Variants in NTNG1 observed in about 807,000 individuals in gnomAD.
NTNG1 encodes netrin G1.
Under a neutral mutation model 54.0 loss-of-function variants are expected in NTNG1, and 16 were observed. The observed-to-expected ratio is 0.30, with a 90% CI of 0.20 to 0.45. NTNG1 has a LOEUF of 0.45. NTNG1 is among the 20% of genes least tolerant of loss of function. The pLI, the probability that NTNG1 is intolerant of heterozygous loss-of-function variation, is 1.00. For synonymous variants in NTNG1, 255 were observed against 263.1 expected, an observed-to-expected ratio of 0.97 and a Z score of 0.30; for missense variants, 530 against 678.7, an observed-to-expected ratio of 0.78 and a Z score of 2.43.
intron 2 of NTNG1, among the ~76,000 whole-genome samples, chr1:107,151,054 T>A (rs1654529930): frequency 6.6e-6 from 1 of 152,330 alleles, no homozygotes; most frequent in South Asian, 2.1e-4. Flanking sequence ...AAACTTGTCA[T>A]TGGACAGAAT....
intron 2 of NTNG1, among the ~76,000 whole-genome samples, chr1:107,273,414 T>C (rs1003414906): frequency 6.6e-6 from 1 of 152,200 alleles, no homozygotes; most frequent in Non-Finnish European, 1.5e-5. Context: ...GGGAATAGCA[T>C]GAGATAGGCC....
At chr1:107,188,413 A>G (rs1657638002) in intron 2 of NTNG1, among the ~76,000 whole-genome samples, 1 of 152,156 alleles carries the variant, frequency 6.6e-6, no homozygotes, top group Admixed American at 6.6e-5. Flanking sequence ...CACTCTGCAT[A>G]AGTAATATAC....
intron 5 of NTNG1, among the ~76,000 whole-genome samples, chr1:107,430,507 G>A (rs1337780358): frequency 1.3e-5 from 2 of 152,112 alleles, no homozygotes; most frequent in Non-Finnish European, 1.5e-5. Flanking sequence ...TGTTCATTTT[G>A]TCTGCCAAGA....
rs1243321416 is a variant in NTNG1, at chr1:107,191,183, A to G, written c.246+42344A>G. On this transcript the variant is annotated intron_variant, in intron 2 of 7. Coordinates refer to ENST00000370068, the MANE Select transcript of NTNG1 (RefSeq NM_001113226.3). ...TGCATTTCTCTGATGGCCAGTGATG[A>G]TGAGCATTTTTTCATGTGTCTGTTG... Among the ~76,000 whole-genome samples the G allele has an allele frequency of 2.6e-5, 4 of 152,138 alleles. No homozygotes were observed. In the East Asian group the frequency reaches 5.8e-4, roughly 22 times the overall value.
At position 107,297,086 on chromosome 1, in the gene NTNG1, G is replaced by GACAC. The variant is rs34213703; in HGVS notation, c.247-27170_247-27167dup. Reference sequence around the variant, plus strand: ...TACTCTGGTTATCTTTACAGATGAGGACACACACACACACACACACACACA... The same window carrying GACAC: ...TACTCTGGTTATCTTTACAGATGAGGACACACACACACACACACACACACACACA... On this transcript the variant is annotated intron_variant, in intron 2 of 7. Transcript: ENST00000370068. Among the ~76,000 whole-genome samples, 241 of 137,402 alleles carry GACAC rather than the reference G, an allele frequency of 1.8e-3. 2 individuals are homozygous for GACAC. The Middle Eastern group carries it at 0.027, about 15-fold the overall frequency. The allele number at this position is 137,402 out of a possible 152,430, so 90.1% of individuals were successfully genotyped here. A position where few individuals can be genotyped will look rare whatever the true frequency, so the allele number is the denominator to read the frequency against.
At chr1:107,187,249 T>C (rs78297226) in intron 2 of NTNG1, among the ~76,000 whole-genome samples, 3 of 152,284 alleles carry the variant, frequency 2.0e-5, no homozygotes, top group African/African-American at 7.2e-5. Context: ...TTATTTTTCA[T>C]TGTTATACCC....
At chr1:107,388,087 A>T (rs1672126249) in intron 3 of NTNG1, among the ~76,000 whole-genome samples, 1 of 152,296 alleles carries the variant, frequency 6.6e-6, no homozygotes, top group South Asian at 2.1e-4. Context: ...CTTGGGGATT[A>T]GGACTATATA....
At chr1:107,331,939 A>AG (rs1236706702) in intron 3 of NTNG1, among the ~76,000 whole-genome samples, 1 of 152,000 alleles carries the variant, frequency 6.6e-6, no homozygotes, top group East Asian at 1.9e-4. Flanking sequence ...GGCAGAATGA[A>AG]GTCCAGTAAA....
intron 3 of NTNG1, among the ~76,000 whole-genome samples, chr1:107,365,111 A>C (rs1193320606): frequency 1.3e-5 from 2 of 152,172 alleles, no homozygotes; most frequent in African/African-American, 4.8e-5. Context: ...AAACTTACAT[A>C]TGGGGCCTTG....
intron 3 of NTNG1, among the ~76,000 whole-genome samples, chr1:107,357,705 A>T (rs909440182): frequency 1.3e-4 from 19 of 151,598 alleles, no homozygotes; most frequent in Non-Finnish European, 2.5e-4. Context: ...AATTGTAAAT[A>T]TTTTTTTTTC....
At chr1:107,281,506 TAA>T (rs1215352009) in intron 2 of NTNG1, among the ~76,000 whole-genome samples, 2 of 152,194 alleles carry the variant, frequency 1.3e-5, no homozygotes, top group African/African-American at 2.4e-5. Flanking sequence ...ACAAATGTGT[TAA>T]GAGTTGTCGA....
chr1:107,473,825 A>G (rs1678137590), intron 7 of NTNG1, among the ~76,000 whole-genome samples: 1 of 152,176 alleles, frequency 6.6e-6, no homozygotes, highest in South Asian at 2.1e-4. Context: ...TGCTGACTTC[A>G]GCTTTTCCAC....
intron 2 of NTNG1, among the ~76,000 whole-genome samples, chr1:107,308,055 C>A (rs1021244959): frequency 6.6e-6 from 1 of 151,720 alleles, no homozygotes; most frequent in Admixed American, 6.6e-5. Flanking sequence ...CTTATAGATG[C>A]TGTATTAACC....
At chr1:107,166,592 A>G (rs1223392795) in intron 2 of NTNG1, among the ~76,000 whole-genome samples, 1 of 152,212 alleles carries the variant, frequency 6.6e-6, no homozygotes, top group African/African-American at 2.4e-5. Flanking sequence ...AGTACTTAAC[A>G]GATAATATAA....
At chr1:107,342,187 A>T (rs1331677814) in intron 3 of NTNG1, among the ~76,000 whole-genome samples, 1 of 152,102 alleles carries the variant, frequency 6.6e-6, no homozygotes, top group East Asian at 1.9e-4. Context: ...GTTTAGGAAT[A>T]ACTTATAATC....
chr1:107,470,642 C>G (rs1002711089), intron 7 of NTNG1, among the ~76,000 whole-genome samples: 1 of 152,292 alleles, frequency 6.6e-6, no homozygotes, highest in Non-Finnish European at 1.5e-5. Context: ...TGTGAATATG[C>G]CTCCCCATGA....
rs1327419739 is a variant in NTNG1 at position 107,148,664 on chromosome 1, C to T, written c.71C>T (p.Pro24Leu). 2 of 1,613,354 alleles carry T rather than the reference C, an allele frequency of 1.2e-6. No homozygotes were observed. Among genetic ancestry groups the T allele is most frequent in the Non-Finnish European group, 1.7e-6 (2 of 1,179,560 alleles). ...VTVSSVMQPY[P>L]LVWGHYDLCK... ...GTGTCCTCAGTGATGCAGCCCTACCCTTTGGTTTGGGGACATTATGATTTG... is the reference window on the plus strand; with the variant it reads ...GTGTCCTCAGTGATGCAGCCCTACCTTTTGGTTTGGGGACATTATGATTTG... Residue 24 changes from proline (P) to leucine (L), a missense_variant, in exon 2 of 8, where the codon CCT (proline) becomes CTT (leucine). By Grantham distance (98) the Pro-to-Leu change is moderately conservative. Around this residue, in one of 2 missense-constraint regions of NTNG1, gnomAD observed 318 missense variants for 465.1 expected, o/e 0.68. Coordinates refer to ENST00000370068, the MANE Select transcript of NTNG1 (RefSeq NM_001113226.3).
At chr1:107,325,835 C>T (rs1009198706) in intron 3 of NTNG1, among the ~76,000 whole-genome samples, 3 of 151,904 alleles carry the variant, frequency 2.0e-5, no homozygotes, top group African/African-American at 7.3e-5. Flanking sequence ...AATAACACCC[C>T]AGTAAAAAGG....
At chr1:107,316,697 T>G (rs1403751415) in intron 2 of NTNG1, among the ~76,000 whole-genome samples, 2 of 152,198 alleles carry the variant, frequency 1.3e-5, no homozygotes, top group African/African-American at 4.8e-5. Flanking sequence ...ATGACTCAGT[T>G]TACCCTCAAG....
Sources: allele counts gnomAD v4.1 joint callset (sites outside exome capture counted in the v4.1 genomes callset), GRCh38; gene constraint gnomAD v4.1.1; regional missense constraint gnomAD v4.1.1; transcripts MANE v1.5; gene names NCBI Gene and HGNC (gene_info 2026-07-23, HGNC 2026-07-21).